DTNA: variants seen among roughly 807,000 people sequenced by gnomAD.
DTNA encodes dystrophin-related protein 3.
DTNA carries 43 observed loss-of-function variants against 100.7 expected under a neutral mutation model. That is an observed-to-expected ratio of 0.43 (90% CI 0.33 to 0.55). DTNA has a LOEUF of 0.55. Among genes scored for constraint, DTNA ranks in the 20% least tolerant of loss-of-function variants. The pLI is 0.04. For missense variants in DTNA, 798 were observed against 953.9 expected (o/e 0.84, Z 2.15); for synonymous variants, 349 against 347.9 (o/e 1.00, Z -0.04).
Position 34,877,869 on chromosome 18 carries a change from G to T in DTNA, c.1993+61G>T, listed in dbSNP as rs1603341181. 8.5e-6 allele frequency: 12 copies of T among 1,407,942 alleles called. No homozygotes were observed. The East Asian group carries it at 2.7e-4, about 32-fold the overall frequency. The allele number at this position is 1,407,942 out of a possible 1,614,324, so 87.2% of individuals were successfully genotyped here. ...CATGGAGGGATCCATAAGTGCTAGG[G>T]GTCTCTCTTAGAGATCTGCTTATTG... On this transcript the variant is annotated intron_variant, in intron 19 of 22. Transcript: ENST00000444659.
At chr18:34,765,020 C>T (rs1288336729) in intron 2 of DTNA, among the ~76,000 whole-genome samples, 5 of 152,116 alleles carry the variant, frequency 3.3e-5, no homozygotes, top group Non-Finnish European at 1.5e-5. Context: ...ACAAGCAGCC[C>T]ATCTGCAGGG....
At chr18:34,556,316 C>G (rs1187377104) in intron 1 of DTNA, among the ~76,000 whole-genome samples, 1 of 152,170 alleles carries the variant, frequency 6.6e-6, no homozygotes, top group Non-Finnish European at 1.5e-5. Context: ...GGTCTTGACT[C>G]TTTCTCCAAT....
rs775515759 is a variant in DTNA at position 34,875,302 on chromosome 18, C to A, written c.1807C>A (p.Pro603Thr). Residue 603 changes from proline to threonine, a missense_variant, in exon 18 of 23, where the codon CCC (proline) becomes ACC (threonine). Coordinates refer to ENST00000444659, the MANE Select transcript of DTNA (RefSeq NM_001386795.1). ...CACCATCAGCAGGCCAATTCCCATG[C>A]CCATCCGGTCAGCGTCAGCCTGCTC... ...SHTISRPIPM[P>T]IRSASACSTP... 6.2e-7 allele frequency: 1 copy of A among 1,614,112 alleles called. No homozygotes were observed. Among genetic ancestry groups the A allele is most frequent in the Non-Finnish European group, 8.5e-7 (1 of 1,180,052 alleles).
rs528370970 is a variant in DTNA at position 34,685,705 on chromosome 18, T to C, written c.-1-70271T>C. On this transcript the variant is annotated intron_variant, in intron 1 of 19. Transcript: ENST00000283365. ...CAATGGTAGCTTGATGGGAATGGCA[T>C]TGAATCTGTAAATTACTTTGGGCAG... Among the ~76,000 whole-genome samples the C allele has an allele frequency of 5.3e-5, 8 of 152,330 alleles. No individual in the cohort carries two copies. The East Asian group carries it at 1.4e-3, about 26-fold the overall frequency.
Position 34,525,165 on chromosome 18 carries a change from C to T in DTNA, c.-2+31651C>T, listed in dbSNP as rs980051379. On this transcript the variant is annotated intron_variant, in intron 1 of 19. Transcript: ENST00000283365. Reference sequence around the variant, plus strand: ...TTGTTGTTCAACCTTGGAAAGTCTCCGTGACTCCCAAAGAATAATGAGCAA... The same window carrying T: ...TTGTTGTTCAACCTTGGAAAGTCTCTGTGACTCCCAAAGAATAATGAGCAA... Among the ~76,000 whole-genome samples the T allele has an allele frequency of 2.6e-5, 4 of 152,010 alleles. No homozygotes were observed. The East Asian group carries it at 7.7e-4, about 29-fold the overall frequency.
Position 34,864,109 on chromosome 18 carries a change from C to T in DTNA, c.1743+47C>T, listed in dbSNP as rs755044728. Reference sequence around the variant, plus strand: ...TTCCTGAGCTTATTTTCCATGTCATCTGTGAAAATTTTTGCACATAATGTG... The same window carrying T: ...TTCCTGAGCTTATTTTCCATGTCATTTGTGAAAATTTTTGCACATAATGTG... On this transcript the variant is annotated intron_variant, in intron 17 of 22. Transcript: ENST00000444659. 18 of 1,544,694 alleles carry T rather than the reference C, an allele frequency of 1.2e-5. No individual in the cohort carries two copies. The Admixed American group carries it at 3.3e-4, about 28-fold the overall frequency.
chr18:34,687,734 G>A (rs184686599), intron 1 of DTNA, among the ~76,000 whole-genome samples: 1 of 152,210 alleles, frequency 6.6e-6, no homozygotes, highest in Admixed American at 6.5e-5. Flanking sequence ...ATTGATAGTA[G>A]GGTGTTAAAG....
chr18:34,753,366 A>ATTTATTTTTT (rs2092499145), intron 1 of DTNA, among the ~76,000 whole-genome samples: 5 of 133,150 alleles, frequency 3.8e-5, no homozygotes, highest in African/African-American at 1.6e-4. Context: ...TATTTATTTT[A>ATTTATTTTTT]TTTTTTTTTT....
intron 1 of DTNA, among the ~76,000 whole-genome samples, chr18:34,722,689 T>C (rs1214647014): frequency 6.6e-6 from 1 of 151,792 alleles, no homozygotes; most frequent in Non-Finnish European, 1.5e-5. Context: ...ACCAAAAATT[T>C]CCTCAAGCTC....
At chr18:34,806,089 G>T (rs2095352916) in intron 4 of DTNA, 130 bp from the exon 5 acceptor site, 2 of 748,026 alleles carry the variant, frequency 2.7e-6, no homozygotes. Flanking sequence ...CCCACATAAG[G>T]CATGCAGCTA....
chr18:34,717,571 A>T (rs769909558), intron 1 of DTNA, among the ~76,000 whole-genome samples: 10 of 151,666 alleles, frequency 6.6e-5, no homozygotes, highest in Non-Finnish European at 1.2e-4. Flanking sequence ...TTTCTCATTT[A>T]TTTTTTTTAA....
intron 6 of DTNA, among the ~76,000 whole-genome samples, chr18:34,813,909 G>A (rs540820202): frequency 3.3e-5 from 5 of 149,312 alleles, no homozygotes; most frequent in African/African-American, 1.2e-4. Flanking sequence ...CAATTTTACT[G>A]CTTTCCAACT....
chr18:34,746,490 G>A (rs1415791370), intron 1 of DTNA, among the ~76,000 whole-genome samples: 1 of 152,024 alleles, frequency 6.6e-6, no homozygotes, highest in Non-Finnish European at 1.5e-5. Flanking sequence ...ATTATTGCTA[G>A]TGAGAAATAC....
intron 1 of DTNA, among the ~76,000 whole-genome samples, chr18:34,581,623 T>TGTTG (rs1375912924): frequency 0.098 from 14,092 of 143,728 alleles, 1,056 homozygotes; most frequent in African/African-American, 0.2. Flanking sequence ...CCTAGTTAGT[T>TGTTG]TTTTTTTTTT....
intron 15 of DTNA, among the ~76,000 whole-genome samples, chr18:34,852,209 C>G (rs186584163): frequency 2.6e-5 from 4 of 152,082 alleles, no homozygotes; most frequent in Non-Finnish European, 5.9e-5. Context: ...TTCTGAGATA[C>G]TTAATTTTGT....
intron 2 of DTNA, among the ~76,000 whole-genome samples, chr18:34,763,602 A>G (rs1190111342): frequency 2.0e-5 from 3 of 152,216 alleles, no homozygotes; most frequent in African/African-American, 7.2e-5. Flanking sequence ...TTTTAAAAAA[A>G]GATCACATTA....
Position 34,887,826 on chromosome 18 carries a change from T to G in DTNA, c.*92T>G. 1.0e-6 allele frequency: 1 copy of G among 986,050 alleles called. No individual in the cohort carries two copies. Among genetic ancestry groups the G allele is most frequent in the East Asian group, 1.1e-4 (1 of 8,814 alleles). 61.1% of individuals were successfully genotyped at this position (986,050 alleles called of 1,614,324 possible). A position where few individuals can be genotyped will look rare whatever the true frequency, so the allele number is the denominator to read the frequency against. On this transcript the variant is annotated 3_prime_UTR_variant, in exon 23 of 23. Transcript: ENST00000444659. ...GAAAACTGGTGATGATGGAGAGCCC[T>G]GTGGCCACACAGAGGAGGAAGACAG...
chr18:34,766,101 A>G (rs2093453374), intron 3 of DTNA, 60 bp downstream of exon 3: 1 of 1,564,374 alleles, frequency 6.4e-7, no homozygotes, highest in Non-Finnish European at 8.8e-7. Flanking sequence ...TACATTTGGT[A>G]CTAAGTTTAT....
Position 34,538,544 on chromosome 18 carries a change from G to C in DTNA, c.-2+45030G>C, listed in dbSNP as rs562384734. The stretch of plus-strand genomic sequence containing the variant: ...GAGTTCAAATCATAGTTTTCTCATG[G>C]AGCGTTATGACCTTAAGGAAGTTAA... On this transcript the variant is annotated intron_variant, in intron 1 of 19. Coordinates refer to the DTNA transcript ENST00000283365. Among the ~76,000 whole-genome samples, 13 of 152,052 alleles carry C rather than the reference G, an allele frequency of 8.5e-5. No homozygotes were observed. The South Asian group carries it at 1.2e-3, about 15-fold the overall frequency.
Sources: allele counts gnomAD v4.1 joint callset (sites outside exome capture counted in the v4.1 genomes callset), GRCh38; gene constraint gnomAD v4.1.1; transcripts MANE v1.5; gene names NCBI Gene and HGNC (gene_info 2026-07-23, HGNC 2026-07-21).